ENTPD1: variants seen among roughly 807,000 people sequenced by gnomAD.
ENTPD1 encodes ATP diphosphohydrolase.
Under a neutral mutation model 57.0 loss-of-function variants are expected in ENTPD1, and 33 were observed. The observed-to-expected ratio is 0.58, with a 90% CI of 0.44 to 0.77. The LOEUF (loss-of-function observed/expected upper bound fraction) is 0.77. Among genes scored for constraint, ENTPD1 ranks in the 30% least tolerant of loss-of-function variants. ENTPD1 has a pLI of 0.00. For missense variants in ENTPD1, 501 were observed against 603.4 expected, an observed-to-expected ratio of 0.83 and a Z score of 1.78; for synonymous variants, 202 against 218.8, an observed-to-expected ratio of 0.92 and a Z score of 0.68.
At chr10:95,707,848 G>A (rs1267829437), upstream of ENTPD1, among the ~76,000 whole-genome samples, 1 of 152,112 alleles carries the variant, frequency 6.6e-6, no homozygotes, top group African/African-American at 2.4e-5. Flanking sequence ...CAAGTGATCT[G>A]CCCACCTTGG....
chr10:95,870,434 C>A lies in ENTPD1; in HGVS notation c.*4051C>A, dbSNP rs1252189080. On this transcript the variant is annotated 3_prime_UTR_variant, in exon 10 of 10. Coordinates refer to ENST00000371205, the MANE Select transcript of ENTPD1 (RefSeq NM_001776.6). ...AGTAGCTAGGACTACAGGTGTGCAC[C>A]ACCATGTCTAGCTATTTTTTTTTCT... is the stretch of plus-strand genomic sequence containing the variant. 5.2e-5 allele frequency: 36 copies of A among 693,530 alleles called. No homozygotes were observed. The highest frequency in any genetic ancestry group is 6.2e-5 in the Non-Finnish European group (35 of 563,896). The allele number at this position is 693,530 out of a possible 1,614,324, so 43.0% of individuals were successfully genotyped here. A position where few individuals can be genotyped will look rare whatever the true frequency, so the allele number is the denominator to read the frequency against.
At chr10:95,748,929 G>A (rs534661174) in intron 1 of ENTPD1, among the ~76,000 whole-genome samples, 7 of 152,058 alleles carry the variant, frequency 4.6e-5, no homozygotes, top group East Asian at 3.9e-4. Flanking sequence ...GTGTTTATCC[G>A]TGCCCTCTTT....
At chr10:95,707,481 T>C (rs2097963018), upstream of ENTPD1, among the ~76,000 whole-genome samples, 1 of 152,214 alleles carries the variant, frequency 6.6e-6, no homozygotes, top group Admixed American at 6.5e-5. Flanking sequence ...TCCGCTGCCA[T>C]CAGTTATGTT....
intron 1 of ENTPD1, among the ~76,000 whole-genome samples, chr10:95,766,841 G>A (rs995904632): frequency 2.7e-5 from 4 of 150,106 alleles, no homozygotes; most frequent in Non-Finnish European, 3.0e-5. Flanking sequence ...CCACAAAGCT[G>A]TGAATAACGG....
At chr10:95,760,023 T>G (rs1043045358) in intron 1 of ENTPD1, among the ~76,000 whole-genome samples, 21 of 152,112 alleles carry the variant, frequency 1.4e-4, no homozygotes, top group Non-Finnish European at 2.9e-4. Flanking sequence ...GACACAGTGG[T>G]GCACGCTTGT....
In ENTPD1 at chr10:95,866,340, T is replaced by C; in HGVS notation, c.1490T>C (p.Leu497Pro). Residue 497 changes from leucine (L) to proline (P), a missense_variant, in exon 10 of 10, where the codon CTT (leucine) becomes CCT (proline). Physicochemically the swap from Leu to Pro is moderately conservative, Grantham distance 98. Coordinates refer to ENST00000371205, the MANE Select transcript of ENTPD1 (RefSeq NM_001776.6). Reference protein sequence around the residue: ...VLFTVAIIGLLIFHKPSYFWK... With the variant: ...VLFTVAIIGLPIFHKPSYFWK... ...TTCACAGTGGCCATCATAGGCTTGCTTATCTTTCACAAGCCTTCATATTTC... is the reference window on the plus strand; with the variant it reads ...TTCACAGTGGCCATCATAGGCTTGCCTATCTTTCACAAGCCTTCATATTTC... 6.2e-7 allele frequency: 1 copy of C among 1,614,206 alleles called. No individual in the cohort carries two copies. Among genetic ancestry groups the C allele is most frequent in the Non-Finnish European group, 8.5e-7 (1 of 1,180,038 alleles).
At chr10:95,747,542 T>A (rs994916691) in intron 1 of ENTPD1, among the ~76,000 whole-genome samples, 3 of 152,196 alleles carry the variant, frequency 2.0e-5, no homozygotes, top group Non-Finnish European at 2.9e-5. Flanking sequence ...CTGTCCCCCC[T>A]ATCTGGCCCC....
At chr10:95,739,226 G>A (rs1244299317) in intron 1 of ENTPD1, among the ~76,000 whole-genome samples, 6 of 152,138 alleles carry the variant, frequency 3.9e-5, no homozygotes, top group Non-Finnish European at 5.9e-5. Context: ...AGGTTGGGGT[G>A]GCTGTGGCAA....
chr10:95,847,405 AGC>A, intron 6 of ENTPD1, 39 bp from the exon 7 acceptor site: 1 of 1,613,340 alleles, frequency 6.2e-7, no homozygotes, highest in Admixed American at 1.7e-5. Context: ...TTGTATCCAA[AGC>A]GTTCACACAT....
the ENTPD1 span, chr10:95,694,273 G>A: frequency 3.5e-6 from 1 of 284,778 alleles, no homozygotes; most frequent in Non-Finnish European, 6.7e-6. Context: ...GGAAACCCCA[G>A]AGGCCGGAAC....
At chr10:95,714,838 A>G (rs909861687) in intron 1 of ENTPD1, among the ~76,000 whole-genome samples, 18 of 152,192 alleles carry the variant, frequency 1.2e-4, no homozygotes, top group African/African-American at 3.9e-4. Context: ...ACAGTTTAAG[A>G]ATAAGATTAG....
chr10:95,855,866 A>T (rs11188510), intron 7 of ENTPD1, among the ~76,000 whole-genome samples: 5,002 of 152,246 alleles, frequency 0.033, 119 homozygotes, highest in Non-Finnish European at 0.051. Flanking sequence ...GGCTGCCCTT[A>T]ACATTTTTTC....
At chr10:95,751,937 A>G (rs2098012633), upstream of ENTPD1, among the ~76,000 whole-genome samples, 1 of 152,156 alleles carries the variant, frequency 6.6e-6, no homozygotes, top group Non-Finnish European at 1.5e-5. Context: ...TGAAGTAGGG[A>G]GAGAAGGCAA....
At chr10:95,820,878 A>G (rs2098348268) in intron 1 of ENTPD1, among the ~76,000 whole-genome samples, 1 of 152,194 alleles carries the variant, frequency 6.6e-6, no homozygotes, top group Non-Finnish European at 1.5e-5. Flanking sequence ...TATTGTAGTA[A>G]CTTGGATGCT....
Position 95,868,684 on chromosome 10 carries a change from A to AT in ENTPD1, c.*2301_*2302insT, listed in dbSNP as rs745397868. 1.1e-4 allele frequency: 109 copies of AT among 979,800 alleles called. No individual in the cohort carries two copies. Among genetic ancestry groups the AT allele is most frequent in the Non-Finnish European group, 1.2e-4 (103 of 824,916 alleles). 60.7% of individuals were successfully genotyped at this position (979,800 alleles called of 1,614,324 possible). ...AGGATCACACAAACTACTACATGGC[A>AT]GAGCAGATACTCCAACTCATGTCTT... is the stretch of plus-strand genomic sequence containing the variant. On this transcript the variant is annotated 3_prime_UTR_variant, in exon 10 of 10. Coordinates refer to ENST00000371205, the MANE Select transcript of ENTPD1 (RefSeq NM_001776.6).
At chr10:95,846,840 T>C (rs2098436650) in intron 6 of ENTPD1, among the ~76,000 whole-genome samples, 1 of 151,852 alleles carries the variant, frequency 6.6e-6, no homozygotes, top group African/African-American at 2.4e-5. Flanking sequence ...ATACAAAAAA[T>C]TAGCCGGGTG....
chr10:95,724,161 C>CAAAAA (rs35316347), intron 1 of ENTPD1, among the ~76,000 whole-genome samples: 1 of 50,344 alleles, frequency 2.0e-5, no homozygotes, highest in African/African-American at 9.0e-5. Context: ...GACTCTGTCT[C>CAAAAA]AAAAAAAAAA....
intron 7 of ENTPD1, among the ~76,000 whole-genome samples, chr10:95,854,221 G>A (rs1232049585): frequency 6.6e-6 from 1 of 152,204 alleles, no homozygotes; most frequent in Non-Finnish European, 1.5e-5. Context: ...TATTTGCATA[G>A]AGGTGTTTAT....
At chr10:95,723,448 G>A (rs1283041817) in intron 1 of ENTPD1, among the ~76,000 whole-genome samples, 1 of 152,108 alleles carries the variant, frequency 6.6e-6, no homozygotes, top group Non-Finnish European at 1.5e-5. Context: ...GGGATACCAG[G>A]GACAAGACTC....
Sources: gnomAD v4.1 joint callset for allele counts (sites outside exome capture counted in the v4.1 genomes callset) on GRCh38, gnomAD v4.1.1 for gene constraint, MANE v1.5 for transcripts, NCBI Gene and HGNC (gene_info 2026-07-23, HGNC 2026-07-21) for gene names.